Variants in IGFBP7 observed in about 807,000 individuals in gnomAD.
IGFBP7 encodes insulin like growth factor binding protein 7.
In IGFBP7, 31 loss-of-function variants were observed where a neutral mutation model predicts 29.4. The observed-to-expected ratio is 1.05, with a 90% confidence interval of 0.79 to 1.42. The LOEUF is 1.42. Ranked by LOEUF, IGFBP7 falls within the 40% of genes most tolerant of loss-of-function variation. IGFBP7 has a pLI of 0.00. For missense variants in IGFBP7, 393 were observed against 395.5 expected (o/e 0.99, Z 0.05); for synonymous variants, 172 against 174.9 (o/e 0.98, Z 0.13).
chr4:57,045,620 T>C (rs1186608589), intron 1 of IGFBP7, among the ~76,000 whole-genome samples: 1 of 152,178 alleles, frequency 6.6e-6, no homozygotes, highest in Non-Finnish European at 1.5e-5. Context: ...TTTCCAGTAC[T>C]TTCTTCAGAG....
intron 1 of IGFBP7, among the ~76,000 whole-genome samples, chr4:57,061,082 G>A (rs1016318809): frequency 6.6e-6 from 1 of 151,954 alleles, no homozygotes; most frequent in Non-Finnish European, 1.5e-5. Context: ...TTCTTACTGA[G>A]TAGGTCAGAA....
At chr4:57,056,561 C>T (rs898436301) in intron 1 of IGFBP7, among the ~76,000 whole-genome samples, 2 of 152,166 alleles carry the variant, frequency 1.3e-5, no homozygotes, top group African/African-American at 4.8e-5. Context: ...GCTCTGAAAT[C>T]AGGGAAATGG....
chr4:57,054,395 G>A (rs1724589218), intron 1 of IGFBP7, among the ~76,000 whole-genome samples: 1 of 152,110 alleles, frequency 6.6e-6, no homozygotes, highest in African/African-American at 2.4e-5. Flanking sequence ...AGCACTTTGG[G>A]AGGCCAAGGT....
chr4:57,073,726 C>G (rs919096992), intron 1 of IGFBP7, among the ~76,000 whole-genome samples: 5 of 152,216 alleles, frequency 3.3e-5, no homozygotes, highest in African/African-American at 1.2e-4. Context: ...GCTTCCACAA[C>G]TACAGTTACA....
intron 1 of IGFBP7, among the ~76,000 whole-genome samples, chr4:57,105,156 G>A (rs1725992739): frequency 6.6e-6 from 1 of 152,158 alleles, no homozygotes; most frequent in African/African-American, 2.4e-5. Flanking sequence ...TGTTCCCTTT[G>A]CTGAAATCCT....
chr4:57,068,884 T>C (rs1337498535), intron 1 of IGFBP7, among the ~76,000 whole-genome samples: 4 of 107,774 alleles, frequency 3.7e-5, no homozygotes. Context: ...TTTGCTACTT[T>C]TTTTTTTACA....
chr4:57,072,780 TG>T, intron 1 of IGFBP7: 2 of 535,312 alleles, frequency 3.7e-6, no homozygotes. Context: ...TTCAAATGGG[TG>T]GGGACCATCC....
chr4:57,107,638 C>T (rs542012338), intron 1 of IGFBP7, among the ~76,000 whole-genome samples: 37 of 152,300 alleles, frequency 2.4e-4, no homozygotes, highest in Middle Eastern at 6.8e-3. Flanking sequence ...TGGTCTCTGC[C>T]ATTTAGAACT....
intron 1 of IGFBP7, among the ~76,000 whole-genome samples, chr4:57,060,779 CGTG>C (rs1428496145): frequency 6.6e-6 from 1 of 151,932 alleles, no homozygotes; most frequent in Non-Finnish European, 1.5e-5. Context: ...ATTAGCCAGG[CGTG>C]GTGGTGTGCA....
chr4:57,082,451 C>T (rs1013160296), intron 1 of IGFBP7, among the ~76,000 whole-genome samples: 2 of 152,034 alleles, frequency 1.3e-5, no homozygotes, highest in Admixed American at 1.3e-4. Flanking sequence ...TAATGATGAA[C>T]TGAAATATCA....
rs867364212 is a variant in IGFBP7, at chr4:57,110,101, C to T, written c.251G>A (p.Gly84Asp). 2.6e-6 allele frequency: 4 copies of T among 1,535,046 alleles called. No individual in the cohort carries two copies. Among genetic ancestry groups the T allele is most frequent in the Non-Finnish European group, 3.5e-6 (4 of 1,147,482 alleles). Reference sequence around the variant, plus strand: ...CTTGCGGCTCTTCACGCACTCCATGCCCGGCGCGCAGTACCCCCTGCCGGC... The same window carrying T: ...CTTGCGGCTCTTCACGCACTCCATGTCCGGCGCGCAGTACCCCCTGCCGGC... ...GGAGRGYCAP[G>D]MECVKSRKRR... The change falls in exon 1 of 5, where the codon GGC becomes GAC. Residue 84 changes from glycine to aspartate, a missense_variant. Transcript: ENST00000295666.
chr4:57,085,759 C>T (rs1366045733), intron 1 of IGFBP7, among the ~76,000 whole-genome samples: 1 of 152,160 alleles, frequency 6.6e-6, no homozygotes, highest in Non-Finnish European at 1.5e-5. Flanking sequence ...TACAAGGAGA[C>T]ATTGTCCAAA....
At chr4:57,033,335 TACTG>T in intron 2 of IGFBP7, 24 bp from the exon 3 acceptor site, 1 of 1,490,696 alleles carries the variant, frequency 6.7e-7, no homozygotes, top group Non-Finnish European at 9.4e-7. Context: ...AGGAGAGTAA[TACTG>T]AGTTTTGTAC....
In IGFBP7 at chr4:57,074,039, A is replaced by ATCTCTC. The variant is rs10569950; in HGVS notation, c.476-33112_476-33107dup. ...TCGTACTTTCCTCTTTGGAAAATGC[A>ATCTCTC]TCTCTCTCTCTCTCTCTCTCTCTCT... On this transcript the variant is annotated intron_variant, in intron 1 of 4. Coordinates refer to ENST00000295666, the MANE Select transcript of IGFBP7 (RefSeq NM_001553.3). Among the ~76,000 whole-genome samples the ATCTCTC allele has an allele frequency of 2.5e-4, 27 of 107,534 alleles. No individual in the cohort carries two copies. The East Asian group carries it at 2.7e-3, about 11-fold the overall frequency. The allele number at this position is 107,534 out of a possible 152,430, so 70.5% of individuals were successfully genotyped here.
Position 57,110,207 on chromosome 4 carries a change from G to A in IGFBP7, c.145C>T (p.Leu49=), listed in dbSNP as rs772082550. 10 of 1,380,036 alleles carry A rather than the reference G, an allele frequency of 7.2e-6. No individual in the cohort carries two copies. The highest frequency in any genetic ancestry group is 3.4e-5 in the South Asian group (2 of 59,016). The allele number at this position is 1,380,036 out of a possible 1,614,324, so 85.5% of individuals were successfully genotyped here. The part of the protein sequence containing the change: ...SCPPLPPLGC[L]LGETRDACGC... ...CACGCGTCGCGGGTCTCGCCCAGCA[G>A]GCAGCCCAGCGGGGGCAGGGGCGGG... The change falls in exon 1 of 5, where the codon CTG becomes TTG. Residue 49 remains leucine, a synonymous_variant. Coordinates refer to ENST00000295666, the MANE Select transcript of IGFBP7 (RefSeq NM_001553.3).
At chr4:57,073,013 A>ATG (rs1725094991) in intron 1 of IGFBP7, 3 of 1,068,310 alleles carry the variant, frequency 2.8e-6, no homozygotes, top group South Asian at 1.3e-5. Flanking sequence ...CCTTCGAGGC[A>ATG]AACCCAACAT....
At chr4:57,054,469 C>T (rs1724592560) in intron 1 of IGFBP7, among the ~76,000 whole-genome samples, 1 of 151,764 alleles carries the variant, frequency 6.6e-6, no homozygotes, top group Admixed American at 6.6e-5. Flanking sequence ...CCCGTCTCTA[C>T]TAAAAATACA....
intron 1 of IGFBP7, among the ~76,000 whole-genome samples, chr4:57,093,307 C>T (rs975375945): frequency 3.3e-5 from 5 of 152,120 alleles, no homozygotes; most frequent in African/African-American, 1.2e-4. Flanking sequence ...TTGAAATCAG[C>T]CTGGCCAACA....
intron 1 of IGFBP7, among the ~76,000 whole-genome samples, chr4:57,052,173 G>T (rs1181072964): frequency 6.6e-6 from 1 of 152,136 alleles, no homozygotes; most frequent in Non-Finnish European, 1.5e-5. Context: ...GCAATGAGAA[G>T]ACAGAGAAAA....
Sources: gnomAD v4.1 joint callset for allele counts (sites outside exome capture counted in the v4.1 genomes callset) on GRCh38, gnomAD v4.1.1 for gene constraint, MANE v1.5 for transcripts, NCBI Gene and HGNC (gene_info 2026-07-23, HGNC 2026-07-21) for gene names.